PTGER3: variants seen among roughly 807,000 people sequenced by gnomAD.
The protein encoded by PTGER3 is prostaglandin E receptor 3.
In PTGER3, 22 loss-of-function variants were observed where a neutral mutation model predicts 34.7. That is an observed-to-expected ratio of 0.63 (90% CI 0.45 to 0.91). The LOEUF is 0.91. Ranked by LOEUF, PTGER3 falls within the 40% of genes least tolerant of loss-of-function variation. PTGER3 has a pLI of 0.00. For missense variants in PTGER3, 468 were observed against 519.4 expected, an observed-to-expected ratio of 0.90 and a Z score of 0.96; for synonymous variants, 241 against 230.1, an observed-to-expected ratio of 1.05 and a Z score of -0.43.
At position 70,867,052 on chromosome 1, in the gene PTGER3, C is replaced by T. The variant is rs564953856; in HGVS notation, c.*24-14193G>A. On this transcript the variant is annotated intron_variant, in intron 4 of 4. Transcript: ENST00000370931. Reference sequence around the variant, plus strand: ...GCCTTTACAGTTGTATATCTGCCACCAGTCCTGGTTTACCACCACACTGTC... The same window carrying T: ...GCCTTTACAGTTGTATATCTGCCACTAGTCCTGGTTTACCACCACACTGTC... Among the ~76,000 whole-genome samples, 21 of 152,316 alleles carry T rather than the reference C, an allele frequency of 1.4e-4. No individual in the cohort carries two copies. In the East Asian group the frequency reaches 4.0e-3, roughly 29 times the overall value.
chr1:70,987,720 A>G (rs948102196), intron 2 of PTGER3, among the ~76,000 whole-genome samples: 2 of 152,174 alleles, frequency 1.3e-5, no homozygotes, highest in African/African-American at 2.4e-5. Flanking sequence ...CAACCACCCA[A>G]TATAATCAAA....
downstream of PTGER3, among the ~76,000 whole-genome samples, chr1:70,950,509 C>T (rs1650654339): frequency 6.6e-6 from 1 of 152,094 alleles, no homozygotes; most frequent in Non-Finnish European, 1.5e-5. Flanking sequence ...GAAAAAGGAG[C>T]AAGCGTATTG....
chr1:70,913,242 A>G (rs1024964627), intron 4 of PTGER3, among the ~76,000 whole-genome samples: 2 of 151,908 alleles, frequency 1.3e-5, no homozygotes, highest in African/African-American at 4.8e-5. Flanking sequence ...TTAATATTTC[A>G]TATTTTTGAT....
intron 2 of PTGER3, among the ~76,000 whole-genome samples, chr1:70,997,398 TAG>T (rs1656090340): frequency 2.0e-5 from 3 of 152,226 alleles, no homozygotes; most frequent in African/African-American, 7.2e-5. Flanking sequence ...TTATTCATGA[TAG>T]ATTTATTCTT....
At chr1:70,960,464 A>G (rs1235994808) in intron 2 of PTGER3, among the ~76,000 whole-genome samples, 1 of 152,186 alleles carries the variant, frequency 6.6e-6, no homozygotes, top group Admixed American at 6.5e-5. Flanking sequence ...AAAAGGTGAA[A>G]AAAAAGTGAG....
chr1:70,907,141 G>T (rs1272507943), intron 4 of PTGER3, among the ~76,000 whole-genome samples: 1 of 152,122 alleles, frequency 6.6e-6, no homozygotes, highest in Admixed American at 6.6e-5. Context: ...TTCAAATATT[G>T]GTAACAATAT....
chr1:70,952,566 G>C, exon 4 of PTGER3: 2 of 1,001,046 alleles, frequency 2.0e-6, no homozygotes, highest in Non-Finnish European at 2.4e-6. Context: ...TGGACCAAAT[G>C]TTAAAATACT....
intron 4 of PTGER3, among the ~76,000 whole-genome samples, chr1:70,873,535 A>G (rs1646207569): frequency 6.6e-6 from 1 of 152,126 alleles, no homozygotes; most frequent in Non-Finnish European, 1.5e-5. Flanking sequence ...ACTAAATTGT[A>G]TAAAATTTAG....
chr1:71,028,449 C>A (rs929412414), intron 1 of PTGER3, among the ~76,000 whole-genome samples: 3 of 152,182 alleles, frequency 2.0e-5, no homozygotes, highest in African/African-American at 7.2e-5. Context: ...TTTTGGATTT[C>A]AGTTATGTTT....
At chr1:70,990,353 T>A (rs367927758) in intron 2 of PTGER3, among the ~76,000 whole-genome samples, 14 of 130,816 alleles carry the variant, frequency 1.1e-4, no homozygotes, top group African/African-American at 2.0e-4. Context: ...CGAGACTGTC[T>A]CACACACACA....
downstream of PTGER3, among the ~76,000 whole-genome samples, chr1:70,966,006 C>T (rs1207364524): frequency 6.6e-6 from 1 of 152,090 alleles, no homozygotes; most frequent in Admixed American, 6.5e-5. Context: ...CTGATTAAAG[C>T]CATAATTAGC....
intron 3 of PTGER3, among the ~76,000 whole-genome samples, chr1:70,972,541 T>C (rs918485165): frequency 6.6e-6 from 1 of 151,986 alleles, no homozygotes; most frequent in Non-Finnish European, 1.5e-5. Flanking sequence ...TATATATATA[T>C]ATAAACAGTT....
chr1:71,003,357 T>G (rs1275729855), intron 2 of PTGER3, among the ~76,000 whole-genome samples: 1 of 152,200 alleles, frequency 6.6e-6, no homozygotes, highest in African/African-American at 2.4e-5. Context: ...ATTTTAACCA[T>G]GTAGCTTGCT....
chr1:70,962,712 C>T (rs750953012), intron 2 of PTGER3, among the ~76,000 whole-genome samples: 1 of 152,188 alleles, frequency 6.6e-6, no homozygotes, highest in African/African-American at 2.4e-5. Context: ...TACCTCCCCT[C>T]AGGTCCCTCC....
intron 2 of PTGER3, chr1:71,006,384 GAACAA>G: frequency 1.0e-6 from 1 of 985,366 alleles, no homozygotes; most frequent in Non-Finnish European, 1.2e-6. Flanking sequence ...ATAAGTACAT[GAACAA>G]ATAGCTGGGG....
chr1:70,996,400 T>C (rs1655944155), intron 2 of PTGER3, among the ~76,000 whole-genome samples: 1 of 152,074 alleles, frequency 6.6e-6, no homozygotes, highest in African/African-American at 2.4e-5. Flanking sequence ...TAAGTAATGG[T>C]ATTGGTTCCT....
intron 4 of PTGER3, among the ~76,000 whole-genome samples, chr1:70,943,929 T>C (rs1649989916): frequency 6.6e-6 from 1 of 152,044 alleles, no homozygotes. Context: ...TTATGAGGCC[T>C]ATGGCACTCC....
chr1:71,042,534 T>C (rs1356170751), intron 1 of PTGER3, among the ~76,000 whole-genome samples: 2 of 152,144 alleles, frequency 1.3e-5, no homozygotes, highest in African/African-American at 4.8e-5. Context: ...CACACCTTTT[T>C]CAAAAGAGAA....
At chr1:70,893,428 A>G (rs553285837) in intron 4 of PTGER3, among the ~76,000 whole-genome samples, 1 of 152,176 alleles carries the variant, frequency 6.6e-6, no homozygotes, top group Admixed American at 6.5e-5. Flanking sequence ...GGACAAGGCC[A>G]ATGTCCTGGG....
Sources: gnomAD v4.1 joint callset for allele counts (sites outside exome capture counted in the v4.1 genomes callset) on GRCh38, gnomAD v4.1.1 for gene constraint, MANE v1.5 for transcripts, NCBI Gene and HGNC (gene_info 2026-07-23, HGNC 2026-07-21) for gene names.